THAP6: variants seen among roughly 807,000 people sequenced by gnomAD.
THAP6 encodes the protein THAP domain containing 6, also known as THAP domain-containing protein 6.
A neutral mutation model predicts 20.0 loss-of-function variants in THAP6; 13 were observed. The ratio of observed to expected loss-of-function variants is 0.65; its 90% CI spans 0.42 to 1.03. The LOEUF (loss-of-function observed/expected upper bound fraction) is 1.03, where lower values mean the gene tolerates loss of function less well. Ranked by LOEUF, THAP6 falls within the 50% of genes least tolerant of loss-of-function variation. The probability of loss-of-function intolerance (pLI) is 0.00; values close to 1 mark genes in which losing one functional copy is unlikely to be tolerated. For missense variants in THAP6, 262 were observed against 261.6 expected, an observed-to-expected ratio of 1.00 and a Z score of -0.01; for synonymous variants, 93 against 92.2, an observed-to-expected ratio of 1.01 and a Z score of -0.05.
intron 2 of THAP6, among the ~76,000 whole-genome samples, chr4:75,539,653 C>T (rs529416619): frequency 8.5e-5 from 13 of 152,302 alleles, no homozygotes; most frequent in Admixed American, 7.2e-4. Context: ...ACCAAACAGA[C>T]TTGGGTTCAA....
rs1726512596 is a variant in THAP6, at chr4:75,528,469, G to C, written c.*1255G>C. ...GTCCATGTTGTAGCAGTTAGAATTT[G>C]AGTATCAGCCATTTCATTGTAGTAA... On this transcript the variant is annotated 3_prime_UTR_variant, in exon 5 of 5. Transcript: ENST00000311638. 5.1e-6 allele frequency: 5 copies of C among 985,246 alleles called. No homozygotes were observed. In the African/African-American group the frequency reaches 8.7e-5, roughly 17 times the overall value. 61.0% of individuals were successfully genotyped at this position (985,246 alleles called of 1,614,324 possible). A position where few individuals can be genotyped will look rare whatever the true frequency, so the allele number is the denominator to read the frequency against.
At chr4:75,515,359 A>G in intron 1 of THAP6, 74 bp from the exon 2 acceptor site, 1 of 1,423,748 alleles carries the variant, frequency 7.0e-7, no homozygotes, top group Admixed American at 1.7e-5. Flanking sequence ...GTGTTTCCTA[A>G]AACACCGGGA....
At chr4:75,515,861 C>T (rs1725574375) in intron 2 of THAP6, among the ~76,000 whole-genome samples, 1 of 152,234 alleles carries the variant, frequency 6.6e-6, no homozygotes, top group Admixed American at 6.5e-5. Flanking sequence ...AATGAAGGAG[C>T]TTTGCTCGAA....
rs1394357843 is a variant in THAP6, at chr4:75,528,745, A to G, written c.*1531A>G. 2 of 961,242 alleles carry G rather than the reference A, an allele frequency of 2.1e-6. No individual in the cohort carries two copies. The highest frequency in any genetic ancestry group is 2.4e-6 in the Non-Finnish European group (2 of 824,686). 59.5% of individuals were successfully genotyped at this position (961,242 alleles called of 1,614,324 possible). ...TTTTACAATCTGAAAAAAAAGTAGT[A>G]AAAAGGTAGTTAAAAAAAAAAAAGG... is the stretch of plus-strand genomic sequence containing the variant. On this transcript the variant is annotated 3_prime_UTR_variant, in exon 5 of 5. Coordinates refer to ENST00000311638, the MANE Select transcript of THAP6 (RefSeq NM_144721.6).
upstream of THAP6, chr4:75,514,454 A>G: frequency 4.2e-6 from 3 of 714,332 alleles, no homozygotes; most frequent in Non-Finnish European, 6.6e-6. Flanking sequence ...TCCCGGGGCT[A>G]CGAGGCGGAA....
At chr4:75,532,937 T>A (rs1726730878), downstream of THAP6, among the ~76,000 whole-genome samples, 1 of 152,194 alleles carries the variant, frequency 6.6e-6, no homozygotes, top group African/African-American at 2.4e-5. Flanking sequence ...AGGGGCTGCC[T>A]TGAAGATCGC....
intron 2 of THAP6, 55 bp from the exon 3 acceptor site, chr4:75,516,717 C>T: frequency 6.7e-7 from 1 of 1,486,964 alleles, no homozygotes; most frequent in Admixed American, 1.9e-5. Context: ...AGCTTTAATT[C>T]AATTATATAG....
intron 2 of THAP6, chr4:75,540,099 T>A: frequency 9.9e-7 from 1 of 1,005,248 alleles, no homozygotes; most frequent in Non-Finnish European, 1.4e-6. Context: ...ACAAGCCATT[T>A]AATCTATCTT....
Position 75,529,987 on chromosome 4 carries a change from A to G in THAP6, c.*2773A>G, listed in dbSNP as rs558601214. ...GAAATAATTGAGAGAGAGAAAATCT[A>G]TTATAATTTATTTGAAAAATAAAAC... On this transcript the variant is annotated 3_prime_UTR_variant, in exon 5 of 5. Transcript: ENST00000311638. The G allele has an allele frequency of 4.4e-6, 4 of 904,664 alleles. No homozygotes were observed. In the African/African-American group the frequency reaches 5.4e-5, roughly 12 times the overall value. The allele number at this position is 904,664 out of a possible 1,614,324, so 56.0% of individuals were successfully genotyped here.
chr4:75,539,905 G>C (rs1043366085), intron 2 of THAP6: 58 of 1,535,934 alleles, frequency 3.8e-5, no homozygotes, highest in Non-Finnish European at 4.4e-5. Context: ...CAAAAACCAA[G>C]AAGAGAGAAA....
In THAP6 at chr4:75,529,459, T is replaced by C. The variant is rs756675310; in HGVS notation, c.*2245T>C. 38 of 985,318 alleles carry C rather than the reference T, an allele frequency of 3.9e-5. No homozygotes were observed. Among genetic ancestry groups the C allele is most frequent in the Non-Finnish European group, 4.3e-5 (36 of 829,946 alleles). 61.0% of individuals were successfully genotyped at this position (985,318 alleles called of 1,614,324 possible). A position where few individuals can be genotyped will look rare whatever the true frequency, so the allele number is the denominator to read the frequency against. ...GAAATAAATAACTGTGTGCAAAATA[T>C]TGGTATCATTAAGGACCCAGAGCTG... On this transcript the variant is annotated 3_prime_UTR_variant, in exon 5 of 5. Transcript: ENST00000311638.
chr4:75,541,640 A>T (rs903878242), intron 2 of THAP6, among the ~76,000 whole-genome samples: 3 of 152,164 alleles, frequency 2.0e-5, no homozygotes, highest in Non-Finnish European at 4.4e-5. Context: ...AAAGAAAATT[A>T]TAATAACAGC....
rs148761977 is a variant in THAP6 at position 75,528,062 on chromosome 4, T to C, written c.*848T>C. Reference sequence around the variant, plus strand: ...TTGTATTTTATATGTAAAGTAGTATTGCTGACATTTTAAAAAAATACAAAA... The same window carrying C: ...TTGTATTTTATATGTAAAGTAGTATCGCTGACATTTTAAAAAAATACAAAA... On this transcript the variant is annotated 3_prime_UTR_variant, in exon 5 of 5. Coordinates refer to ENST00000311638, the MANE Select transcript of THAP6 (RefSeq NM_144721.6). The C allele has an allele frequency of 0.013, 12,527 of 984,446 alleles. 82 individuals carry two copies. The highest frequency in any genetic ancestry group is 0.014 in the Non-Finnish European group (11,665 of 829,032). 61.0% of individuals were successfully genotyped at this position (984,446 alleles called of 1,614,324 possible).
downstream of THAP6, among the ~76,000 whole-genome samples, chr4:75,531,612 G>T (rs2148826332): frequency 6.6e-6 from 1 of 152,240 alleles, no homozygotes; most frequent in South Asian, 2.1e-4. Context: ...TCACACTGCT[G>T]ATAAAGACAT....
chr4:75,530,404 C>T (rs920929706), downstream of THAP6, among the ~76,000 whole-genome samples: 5 of 152,208 alleles, frequency 3.3e-5, no homozygotes, highest in Non-Finnish European at 4.4e-5. Context: ...GATGTCTTAG[C>T]ATGCCGCAGA....
chr4:75,525,838 G>C (rs766459108), intron 4 of THAP6, among the ~76,000 whole-genome samples: 1 of 152,210 alleles, frequency 6.6e-6, no homozygotes, highest in Admixed American at 6.5e-5. Context: ...AGTCTGGCTA[G>C]TGGGAATAGT....
At chr4:75,538,318 G>A (rs1033695875) in intron 2 of THAP6, among the ~76,000 whole-genome samples, 1 of 151,714 alleles carries the variant, frequency 6.6e-6, no homozygotes, top group East Asian at 1.9e-4. Flanking sequence ...TAGGATTTGA[G>A]AGTCTCAAAA....
rs1479368852 is a variant in THAP6 at position 75,528,838 on chromosome 4, CAG to C, written c.*1625_*1626del. 1 of 919,694 alleles carries C rather than the reference CAG, an allele frequency of 1.1e-6. No individual in the cohort carries two copies. The highest frequency in any genetic ancestry group is 1.8e-5 in the African/African-American group (1 of 55,436). 57.0% of individuals were successfully genotyped at this position (919,694 alleles called of 1,614,324 possible). A position where few individuals can be genotyped will look rare whatever the true frequency, so the allele number is the denominator to read the frequency against. Reference sequence around the variant, plus strand: ...CCAAGGCAGGCAGATCACTTGAGGTCAGGGGTTCAAAACCAGCCTGGCCAAGA... The same window carrying C: ...CCAAGGCAGGCAGATCACTTGAGGTCGGGTTCAAAACCAGCCTGGCCAAGA... On this transcript the variant is annotated 3_prime_UTR_variant, in exon 5 of 5. Coordinates refer to ENST00000311638, the MANE Select transcript of THAP6 (RefSeq NM_144721.6).
In THAP6 at chr4:75,527,471, C is replaced by A. The variant is rs879332466; in HGVS notation, c.*257C>A. On this transcript the variant is annotated 3_prime_UTR_variant, in exon 5 of 5. Transcript: ENST00000311638. ...GGTCACTATTGTAAGATGTTAAAAT[C>A]TCAAGAAAATTTCACAGAGCTAAAG... 1 of 1,245,726 alleles carries A rather than the reference C, an allele frequency of 8.0e-7. No individual in the cohort carries two copies. 77.2% of individuals were successfully genotyped at this position (1,245,726 alleles called of 1,614,324 possible).
Sources: gnomAD v4.1 joint callset for allele counts (sites outside exome capture counted in the v4.1 genomes callset) on GRCh38, gnomAD v4.1.1 for gene constraint, MANE v1.5 for transcripts, NCBI Gene and HGNC (gene_info 2026-07-23, HGNC 2026-07-21) for gene names.